TLK2: variants seen among roughly 807,000 people sequenced by gnomAD.
TLK2 encodes serine/threonine-protein kinase tousled-like 2.
A neutral mutation model predicts 117.3 loss-of-function variants in TLK2; 6 were observed. That is an observed-to-expected ratio of 0.05 (90% confidence interval 0.03 to 0.10). The LOEUF (loss-of-function observed/expected upper bound fraction) is 0.10, where lower values mean the gene tolerates loss of function less well. TLK2 is among the 10% of genes least tolerant of loss of function. The probability of loss-of-function intolerance (pLI) is 1.00; values close to 1 mark genes in which losing one functional copy is unlikely to be tolerated. For missense variants in TLK2, 299 were observed against 901.2 expected (o/e 0.33, Z 8.56); for synonymous variants, 257 against 316.7 (o/e 0.81, Z 2.00).
At chr17:62,495,179 A>C (rs1368594257) in intron 2 of TLK2, among the ~76,000 whole-genome samples, 1 of 151,818 alleles carries the variant, frequency 6.6e-6, no homozygotes, top group Non-Finnish European at 1.5e-5. Flanking sequence ...AAAAAAAAGG[A>C]AACGATTACT....
intron 9 of TLK2, among the ~76,000 whole-genome samples, chr17:62,559,111 T>C (rs2079064033): frequency 6.6e-6 from 1 of 152,198 alleles, no homozygotes; most frequent in Admixed American, 6.5e-5. Flanking sequence ...GCTTTAAGTT[T>C]TTAGTCCACA....
In TLK2 at chr17:62,596,523, T is replaced by C. The variant is rs917769375; in HGVS notation, c.1461-62T>C. On this transcript the variant is annotated intron_variant, in intron 16 of 21. Transcript: ENST00000346027. ...AAATGATTGAATATTTAGGAGGATC[T>C]TTGAAGAGTTCTAAAAGGCAGGCCA... The C allele has an allele frequency of 1.6e-5, 20 of 1,225,272 alleles. No individual in the cohort carries two copies. In the African/African-American group the frequency reaches 2.8e-4, roughly 17 times the overall value. The allele number at this position is 1,225,272 out of a possible 1,614,324, so 75.9% of individuals were successfully genotyped here.
chr17:62,514,844 G>T (rs1391199357), intron 2 of TLK2, among the ~76,000 whole-genome samples: 1 of 152,038 alleles, frequency 6.6e-6, no homozygotes, highest in East Asian at 1.9e-4. Flanking sequence ...CTCCCAAAGT[G>T]CTGGGCTTAC....
At chr17:62,493,536 T>C (rs1377963923) in intron 2 of TLK2, among the ~76,000 whole-genome samples, 1 of 152,238 alleles carries the variant, frequency 6.6e-6, no homozygotes, top group Non-Finnish European at 1.5e-5. Context: ...CATATTAAAC[T>C]GTACTCTTTT....
At chr17:62,595,899 AT>A (rs1488476544) in intron 16 of TLK2, among the ~76,000 whole-genome samples, 1 of 152,114 alleles carries the variant, frequency 6.6e-6, no homozygotes, top group Non-Finnish European at 1.5e-5. Flanking sequence ...GCATATATAC[AT>A]TTACAGATAT....
intron 16 of TLK2, among the ~76,000 whole-genome samples, chr17:62,591,493 G>T (rs1049770171): frequency 2.6e-5 from 4 of 152,142 alleles, no homozygotes; most frequent in Admixed American, 6.5e-5. Context: ...GCTCAGAGAG[G>T]TGGAGCCACA....
At chr17:62,541,945 T>C (rs1045201572) in intron 7 of TLK2, among the ~76,000 whole-genome samples, 1 of 152,196 alleles carries the variant, frequency 6.6e-6, no homozygotes, top group African/African-American at 2.4e-5. Flanking sequence ...AAAGACAATA[T>C]ATATCAGGCT....
At chr17:62,598,137 G>A (rs1362227072) in intron 17 of TLK2, among the ~76,000 whole-genome samples, 1 of 152,156 alleles carries the variant, frequency 6.6e-6, no homozygotes, top group Non-Finnish European at 1.5e-5. Context: ...TGTTTCACGT[G>A]GAGTGGAATT....
At position 62,485,025 on chromosome 17, in the gene TLK2, C is replaced by T. The variant is rs180769630; in HGVS notation, c.81+3819C>T. Reference sequence around the variant, plus strand: ...GAGCCTGGGCGACAGAGCAAGGCTCCGTCTCAAAAAACAAAACAAAACAAA... The same window carrying T: ...GAGCCTGGGCGACAGAGCAAGGCTCTGTCTCAAAAAACAAAACAAAACAAA... On this transcript the variant is annotated intron_variant, in intron 2 of 21. Transcript: ENST00000346027. Among the ~76,000 whole-genome samples the T allele has an allele frequency of 7.9e-5, 12 of 152,074 alleles. No homozygotes were observed. The East Asian group carries it at 2.1e-3, about 27-fold the overall frequency.
At chr17:62,528,016 C>T (rs1028712333) in intron 6 of TLK2, among the ~76,000 whole-genome samples, 4 of 152,330 alleles carry the variant, frequency 2.6e-5, no homozygotes, top group African/African-American at 9.6e-5. Flanking sequence ...GTTGGGATTA[C>T]AGGCATGAGT....
intron 16 of TLK2, among the ~76,000 whole-genome samples, chr17:62,594,939 C>T (rs551805533): frequency 6.6e-6 from 1 of 152,300 alleles, no homozygotes; most frequent in Non-Finnish European, 1.5e-5. Flanking sequence ...AAACAGACTC[C>T]ACATGGACAG....
chr17:62,538,337 T>C (rs2077264106), intron 7 of TLK2, among the ~76,000 whole-genome samples: 9 of 152,164 alleles, frequency 5.9e-5, no homozygotes, highest in Admixed American at 5.9e-4. Context: ...GCCTGGCCTT[T>C]GTTAAATCTT....
intron 9 of TLK2, among the ~76,000 whole-genome samples, chr17:62,555,772 C>T (rs576129404): frequency 7.9e-5 from 12 of 150,956 alleles, no homozygotes; most frequent in East Asian, 7.9e-4. Context: ...CCACCGCGCC[C>T]GGCTATTATT....
Position 62,552,219 on chromosome 17 carries a change from T to A in TLK2, c.532-83T>A, listed in dbSNP as rs917514627. ...GGGTTTGTATTGTGGAGATACAAATTATGGAGTTGTTTGCATTAATACAAG... is the reference window on the plus strand; with the variant it reads ...GGGTTTGTATTGTGGAGATACAAATAATGGAGTTGTTTGCATTAATACAAG... On this transcript the variant is annotated intron_variant, in intron 7 of 21. Coordinates refer to ENST00000346027, the MANE Select transcript of TLK2 (RefSeq NM_006852.6). The A allele has an allele frequency of 5.6e-6, 6 of 1,063,446 alleles. No homozygotes were observed. In the African/African-American group the frequency reaches 6.3e-5, roughly 11 times the overall value. 65.9% of individuals were successfully genotyped at this position (1,063,446 alleles called of 1,614,324 possible).
At position 62,613,548 on chromosome 17, in the gene TLK2, A is replaced by G. The variant is rs1172515583; in HGVS notation, c.*983A>G. Reference sequence around the variant, plus strand: ...GAAGCTATGCCAAAGGTAGGCAGAAAATGGGCTTGGGAGCCAGACACTCCA... The same window carrying G: ...GAAGCTATGCCAAAGGTAGGCAGAAGATGGGCTTGGGAGCCAGACACTCCA... On this transcript the variant is annotated 3_prime_UTR_variant, in exon 22 of 22. Transcript: ENST00000346027. 4.6e-5 allele frequency: 7 copies of G among 152,608 alleles called. No individual in the cohort carries two copies. The highest frequency in any genetic ancestry group is 1.0e-4 in the Non-Finnish European group (7 of 68,038). The allele number at this position is 152,608 out of a possible 1,614,324, so 9.5% of individuals were successfully genotyped here.
chr17:62,565,303 G>GA (rs199957588), intron 11 of TLK2, among the ~76,000 whole-genome samples, 166 bp downstream of exon 11: 5 of 151,490 alleles, frequency 3.3e-5, no homozygotes, highest in South Asian at 2.1e-4. Context: ...GTGAAGTCCT[G>GA]AAAAAAAACG....
chr17:62,606,305 C>T, intron 20 of TLK2, 64 bp downstream of exon 20: 1 of 933,554 alleles, frequency 1.1e-6, no homozygotes, highest in Non-Finnish European at 1.6e-6. Context: ...ACACACAGTG[C>T]CTTGGTATGG....
At chr17:62,565,797 T>C (rs1290298528) in intron 11 of TLK2, among the ~76,000 whole-genome samples, 2 of 152,216 alleles carry the variant, frequency 1.3e-5, no homozygotes, top group Non-Finnish European at 2.9e-5. Flanking sequence ...TGAGCATTTC[T>C]TCTGGATCCA....
At chr17:62,516,675 C>G in intron 2 of TLK2, 16 of 1,609,638 alleles carry the variant, frequency 9.9e-6, no homozygotes, top group Non-Finnish European at 1.4e-5. Flanking sequence ...GCTCCGGGTG[C>G]TTAGGCATGT....
Sources: gnomAD v4.1 joint callset for allele counts (sites outside exome capture counted in the v4.1 genomes callset) on GRCh38, gnomAD v4.1.1 for gene constraint, MANE v1.5 for transcripts, NCBI Gene and HGNC (gene_info 2026-07-23, HGNC 2026-07-21) for gene names.